XRCC1: variants seen among roughly 807,000 people sequenced by gnomAD.
XRCC1 encodes the protein DNA repair protein XRCC1.
Under a neutral mutation model 83.3 loss-of-function variants are expected in XRCC1, and 52 were observed. The ratio of observed to expected loss-of-function variants is 0.62; its 90% CI spans 0.50 to 0.79. The LOEUF (loss-of-function observed/expected upper bound fraction) is 0.79. Ranked by LOEUF, XRCC1 falls within the 30% of genes least tolerant of loss-of-function variation. The pLI, the probability that XRCC1 is intolerant of heterozygous loss-of-function variation, is 0.00. For missense variants in XRCC1, 793 were observed against 823.5 expected, an observed-to-expected ratio of 0.96 and a Z score of 0.45; for synonymous variants, 281 against 312.6, an observed-to-expected ratio of 0.90 and a Z score of 1.07.
intron 2 of XRCC1, among the ~76,000 whole-genome samples, chr19:43,568,279 T>C (rs1972773412): frequency 6.6e-6 from 1 of 151,978 alleles, no homozygotes; most frequent in East Asian, 2.0e-4. Flanking sequence ...GGAGGATCAC[T>C]TGAGGTCAGG....
At chr19:43,548,766 C>CA (rs60740505) in intron 10 of XRCC1, among the ~76,000 whole-genome samples, 2,747 of 64,498 alleles carry the variant, frequency 0.043, 186 homozygotes, top group African/African-American at 0.098. Context: ...CAAGAATGAT[C>CA]AAAAAAAAAA....
In XRCC1 at chr19:43,553,615, C is replaced by A. The variant is rs149187925; in HGVS notation, c.483G>T (p.Pro161=). ...AGTGACAGGTACAGCTTACCTGGGACGGGGCCTCTGCCTCATCTTTGTCTG... is the reference window on the plus strand; with the variant it reads ...AGTGACAGGTACAGCTTACCTGGGAAGGGGCCTCTGCCTCATCTTTGTCTG... The part of the protein sequence containing the change: ...SPPDKDEAEA[P]SQKVTVTKLG... Residue 161 remains proline (P), a synonymous_variant, in exon 5 of 17, where the codon CCG becomes CCT. Coordinates refer to ENST00000262887, the MANE Select transcript of XRCC1 (RefSeq NM_006297.3). The A allele has an allele frequency of 3.2e-6, 5 of 1,587,140 alleles. No individual in the cohort carries two copies. The South Asian group carries it at 4.5e-5, about 14-fold the overall frequency.
At chr19:43,558,502 A>G (rs3213333) in intron 3 of XRCC1, among the ~76,000 whole-genome samples, 119,875 of 151,772 alleles carry the variant, frequency 0.79, 47,478 homozygotes, top group East Asian at 0.89. Context: ...GCCGGGCATG[A>G]TGGCTCCCAC....
At chr19:43,568,579 A>C (rs1277354593) in intron 2 of XRCC1, among the ~76,000 whole-genome samples, 1 of 151,772 alleles carries the variant, frequency 6.6e-6, no homozygotes, top group Non-Finnish European at 1.5e-5. Flanking sequence ...TCCAAAATAC[A>C]CTGTTACTTG....
chr19:43,573,046 G>A (rs1400932169), intron 2 of XRCC1, among the ~76,000 whole-genome samples: 2 of 141,516 alleles, frequency 1.4e-5, no homozygotes, highest in African/African-American at 2.7e-5. Context: ...AATCCTCCCC[G>A]CTCAGCCTCC....
In XRCC1 at chr19:43,552,153, G is replaced by T. The variant is rs1216422437; in HGVS notation, c.946C>A (p.Leu316Met). 1.2e-6 allele frequency: 2 copies of T among 1,613,990 alleles called. No individual in the cohort carries two copies. Among genetic ancestry groups the T allele is most frequent in the African/African-American group, 2.7e-5 (2 of 74,918 alleles). Residue 316 changes from leucine (L) to methionine (M), a missense_variant, in exon 9 of 17, where the codon CTG becomes ATG. Leu to Met is a conservative substitution (Grantham distance 15). Transcript: ENST00000262887. ...ACCACACCCTGAAGGATCTTCCCCAGCTCCTCTGGGCCAGCTCGGGGTCGT... is the reference window on the plus strand; with the variant it reads ...ACCACACCCTGAAGGATCTTCCCCATCTCCTCTGGGCCAGCTCGGGGTCGT... ...PRRPRAGPEE[L>M]GKILQGVVVV... is the part of the protein sequence containing the mutation.
intron 10 of XRCC1, among the ~76,000 whole-genome samples, chr19:43,548,779 A>AAAACAAAAAAAAAAAC (rs1972546335): frequency 2.1e-5 from 3 of 141,740 alleles, no homozygotes; most frequent in African/African-American, 2.6e-5. Context: ...AAAAAAAAAA[A>AAAACAAAAAAAAAAAC]AAAAAAACAC....
chr19:43,566,317 G>A (rs1400339545), intron 2 of XRCC1, among the ~76,000 whole-genome samples: 1 of 151,658 alleles, frequency 6.6e-6, no homozygotes, highest in Admixed American at 6.6e-5. Context: ...CAGATCACAA[G>A]GTCAGGAGAG....
At chr19:43,565,900 T>C (rs1972747578) in intron 2 of XRCC1, among the ~76,000 whole-genome samples, 1 of 151,790 alleles carries the variant, frequency 6.6e-6, no homozygotes, top group Non-Finnish European at 1.5e-5. Context: ...GACGAGCCAC[T>C]ACACCCCAGC....
chr19:43,546,935 C>G lies in XRCC1; in HGVS notation c.1242G>C (p.Glu414Asp). 1 of 1,614,066 alleles carries G rather than the reference C, an allele frequency of 6.2e-7. No homozygotes were observed. The highest frequency in any genetic ancestry group is 1.3e-5 in the African/African-American group (1 of 75,040). ...CTCCGCTGCCACCGCTGTGAGAGGC[C>G]TCATCCTCCTCACTGCTGGAACCTG... is the stretch of plus-strand genomic sequence containing the variant. Reference protein sequence around the residue: ...AGPGSSSEEDEASHSGGSGDE... With the variant: ...AGPGSSSEEDDASHSGGSGDE... The change falls in exon 11 of 17, where the codon GAG becomes GAC. Residue 414 changes from glutamate (E) to aspartate (D), a missense_variant. Physicochemically the swap from Glu to Asp is conservative, Grantham distance 45 (BLOSUM62 2). Transcript: ENST00000262887.
At chr19:43,558,374 A>G (rs1972660823) in intron 3 of XRCC1, among the ~76,000 whole-genome samples, 1 of 151,824 alleles carries the variant, frequency 6.6e-6, no homozygotes, top group South Asian at 2.1e-4. Flanking sequence ...AGCAGCTCAC[A>G]TGTGTAATCC....
At chr19:43,562,699 C>T (rs1013117140) in intron 2 of XRCC1, among the ~76,000 whole-genome samples, 4 of 152,060 alleles carry the variant, frequency 2.6e-5, no homozygotes, top group Non-Finnish European at 4.4e-5. Context: ...GAGTCATGTT[C>T]GCATCACTGT....
In XRCC1 at chr19:43,552,873, A is replaced by T. The variant is rs759826284; in HGVS notation, c.747T>A (p.Asp249Glu). The T allele has an allele frequency of 5.6e-6, 9 of 1,613,640 alleles. No homozygotes were observed. The highest frequency in any genetic ancestry group is 1.3e-5 in the African/African-American group (1 of 74,976). The change falls in exon 8 of 17, where the codon GAT becomes GAA. Residue 249 changes from aspartate to glutamate, a missense_variant. Transcript: ENST00000262887. Reference protein sequence around the residue: ...QESPKGKRKLDLNQEEKKTPS... With the variant: ...QESPKGKRKLELNQEEKKTPS... ...GGGTCTTCTTTTCTTCTTGGTTCAAATCCAACTTCCTCTTCCCTTTGGGAG... is the reference window on the plus strand; with the variant it reads ...GGGTCTTCTTTTCTTCTTGGTTCAATTCCAACTTCCTCTTCCCTTTGGGAG...
intron 8 of XRCC1, among the ~76,000 whole-genome samples, 163 bp from the exon 9 acceptor site, chr19:43,552,438 C>G (rs1284606778): frequency 6.9e-6 from 1 of 145,002 alleles, no homozygotes; most frequent in African/African-American, 2.6e-5. Context: ...AGGCCCCCAG[C>G]CCCTCCTCCC....
Position 43,543,341 on chromosome 19 carries a change from CGTGTGTGTGTGTGTGTGTGTGTGTGTGT to C in XRCC1, c.*23_*50del. The C allele has an allele frequency of 9.6e-7, 1 of 1,043,310 alleles. No homozygotes were observed. Among genetic ancestry groups the C allele is most frequent in the African/African-American group, 1.8e-5 (1 of 56,202 alleles). The allele number at this position is 1,043,310 out of a possible 1,614,324, so 64.6% of individuals were successfully genotyped here. On this transcript the variant is annotated 3_prime_UTR_variant, in exon 17 of 17. Transcript: ENST00000262887. ...ACCAACTCATCTTTATTAAATGCAT[CGTGTGTGTGTGTGTGTGTGTGTGTGTGT>C]GTGTGTGTGTATAGCACATACTTCA...
chr19:43,570,643 G>A (rs1228788401), intron 2 of XRCC1, among the ~76,000 whole-genome samples: 1 of 152,076 alleles, frequency 6.6e-6, no homozygotes, highest in Non-Finnish European at 1.5e-5. Context: ...AAATTAGCTG[G>A]GCCTGGCGGC....
chr19:43,544,064 A>G, intron 15 of XRCC1, 80 bp downstream of exon 15: 1 of 1,316,414 alleles, frequency 7.6e-7, no homozygotes, highest in South Asian at 1.4e-5. Flanking sequence ...TCTTTCCCAC[A>G]CCCCCACCCC....
At position 43,551,616 on chromosome 19, in the gene XRCC1, C is replaced by T. The variant is rs201607078; in HGVS notation, c.1154G>A (p.Trp385Ter). 2 of 1,614,206 alleles carry T rather than the reference C, an allele frequency of 1.2e-6. No individual in the cohort carries two copies. Among genetic ancestry groups the T allele is most frequent in the Non-Finnish European group, 1.7e-6 (2 of 1,180,036 alleles). ...GLGGRIVRKE[W>*]VLDCHRMRRR... is the part of the protein sequence containing the mutation. ...ACGCATGCGGTGACAGTCCAGCACC[C>T]ACTCCTTACGCACGATGCGGCCTCC... The change falls in exon 10 of 17, where the codon TGG becomes TAG. Residue 385 changes from tryptophan (W) to a stop codon, truncating the protein, a stop_gained. Transcript: ENST00000262887. LOFTEE classifies it high-confidence loss of function.
At chr19:43,564,121 A>G (rs1972728364) in intron 2 of XRCC1, among the ~76,000 whole-genome samples, 5 of 152,216 alleles carry the variant, frequency 3.3e-5, no homozygotes, top group Non-Finnish European at 7.3e-5. Flanking sequence ...CCATACCAAG[A>G]ATGAGAAATA....
Sources: gnomAD v4.1 joint callset for allele counts (sites outside exome capture counted in the v4.1 genomes callset) on GRCh38, gnomAD v4.1.1 for gene constraint, MANE v1.5 for transcripts, NCBI Gene and HGNC (gene_info 2026-07-23, HGNC 2026-07-21) for gene names.